Variants in ENTREP2 observed in about 807,000 individuals in gnomAD.
The protein encoded by ENTREP2 is endosomal transmembrane epsin interactor 2.
At chr15:29,461,849 C>T in the ENTREP2 span, among the ~76,000 whole-genome samples, 2 of 152,126 alleles carry the variant, frequency 1.3e-5, no homozygotes, top group Non-Finnish European at 2.9e-5. Flanking sequence ...ATCACCACCA[C>T]CCATCTTCAG....
the ENTREP2 span, among the ~76,000 whole-genome samples, chr15:29,133,820 G>A: frequency 0.024 from 3,584 of 152,208 alleles, 129 homozygotes; most frequent in African/African-American, 0.081. Context: ...TCATCTGGTG[G>A]ACACTCACTC....
the ENTREP2 span, among the ~76,000 whole-genome samples, chr15:29,626,537 A>G: frequency 2.6e-5 from 4 of 152,160 alleles, no homozygotes; most frequent in Non-Finnish European, 4.4e-5. Context: ...AAATTACCCA[A>G]TCTTGAGTAT....
chr15:29,136,685 C>T, the ENTREP2 span, among the ~76,000 whole-genome samples: 1 of 148,886 alleles, frequency 6.7e-6, no homozygotes, highest in South Asian at 2.1e-4. Context: ...TTTTCTGGAA[C>T]GACATCAACA....
the ENTREP2 span, among the ~76,000 whole-genome samples, chr15:29,649,634 C>A: frequency 8.0e-5 from 12 of 149,188 alleles, no homozygotes; most frequent in African/African-American, 2.2e-4. Context: ...GCAGGAGAAT[C>A]GACTGAACCT....
chr15:29,544,451 A>G, the ENTREP2 span, among the ~76,000 whole-genome samples: 13 of 152,122 alleles, frequency 8.5e-5, no homozygotes, highest in African/African-American at 3.1e-4. Context: ...GAATGTACCT[A>G]CTACTGAACT....
At chr15:29,629,621 C>A in the ENTREP2 span, among the ~76,000 whole-genome samples, 1 of 152,156 alleles carries the variant, frequency 6.6e-6, no homozygotes, top group Non-Finnish European at 1.5e-5. Context: ...TTAAGTACTT[C>A]TATATACACT....
chr15:29,366,087 T>C, the ENTREP2 span, among the ~76,000 whole-genome samples: 1 of 152,172 alleles, frequency 6.6e-6, no homozygotes, highest in African/African-American at 2.4e-5. Flanking sequence ...ATTATTATTA[T>C]TTTCGAGATG....
the ENTREP2 span, among the ~76,000 whole-genome samples, chr15:29,565,747 A>G: frequency 6.6e-6 from 1 of 152,054 alleles, no homozygotes; most frequent in Non-Finnish European, 1.5e-5. Context: ...GCGGATCACG[A>G]GGTCAGGAGA....
chr15:29,557,211 C>G, the ENTREP2 span, among the ~76,000 whole-genome samples: 2 of 152,206 alleles, frequency 1.3e-5, no homozygotes. Context: ...CCAGGCTCCC[C>G]TCCCTGCCTG....
chr15:29,311,695 C>CA, the ENTREP2 span, among the ~76,000 whole-genome samples: 3 of 151,038 alleles, frequency 2.0e-5, no homozygotes, highest in Non-Finnish European at 3.0e-5. Context: ...ATCCCCCCCC[C>CA]AAAAAAAAGT....
At chr15:29,547,148 C>T in the ENTREP2 span, among the ~76,000 whole-genome samples, 9 of 150,090 alleles carry the variant, frequency 6.0e-5, no homozygotes, top group African/African-American at 1.2e-4. Context: ...AGTGCAGTGG[C>T]GCAATTTCGG....
chr15:29,528,427 C>T, the ENTREP2 span, among the ~76,000 whole-genome samples: 1 of 152,074 alleles, frequency 6.6e-6, no homozygotes, highest in African/African-American at 2.4e-5. Context: ...TGGCTCCCCA[C>T]TCCCAGTAGA....
the ENTREP2 span, among the ~76,000 whole-genome samples, chr15:29,638,054 T>C: frequency 6.6e-6 from 1 of 152,320 alleles, no homozygotes; most frequent in Admixed American, 6.5e-5. Flanking sequence ...CCTAACTGCG[T>C]TGACCTTCAG....
the ENTREP2 span, among the ~76,000 whole-genome samples, chr15:29,588,976 C>A: frequency 1.4e-5 from 2 of 143,586 alleles, no homozygotes; most frequent in Non-Finnish European, 3.0e-5. Flanking sequence ...GGTGACAGAG[C>A]GAGACCTTGT....
the ENTREP2 span, among the ~76,000 whole-genome samples, chr15:29,135,977 T>C: frequency 1.3e-5 from 2 of 152,004 alleles, no homozygotes; most frequent in African/African-American, 4.8e-5. The surrounding 1 kb of genome is among the most constrained non-coding windows in gnomAD (Gnocchi z 7.4). Flanking sequence ...CCCAGGTCCT[T>C]TTACCTGGAT....
the ENTREP2 span, among the ~76,000 whole-genome samples, chr15:29,360,906 C>T: frequency 6.6e-6 from 1 of 152,230 alleles, no homozygotes; most frequent in Non-Finnish European, 1.5e-5. Flanking sequence ...CTCCTGAAGC[C>T]AGGAGTGCTG....
chr15:29,292,462 C>A, the ENTREP2 span, among the ~76,000 whole-genome samples: 1 of 151,990 alleles, frequency 6.6e-6, no homozygotes, highest in Non-Finnish European at 1.5e-5. Context: ...CTCACTGCAA[C>A]CTCTGCCTCC....
At chr15:29,616,269 G>A in the ENTREP2 span, among the ~76,000 whole-genome samples, 12 of 152,256 alleles carry the variant, frequency 7.9e-5, no homozygotes, top group Non-Finnish European at 1.5e-4. Context: ...CCAAGGGGAC[G>A]ATGACCCCTT....
the ENTREP2 span, among the ~76,000 whole-genome samples, chr15:29,475,231 C>A: frequency 2.3e-3 from 348 of 152,246 alleles, no homozygotes; most frequent in African/African-American, 8.1e-3. Context: ...AAGGGGTGAG[C>A]TGGAGACAGA....
Sources: gnomAD v4.1 joint callset for allele counts (sites outside exome capture counted in the v4.1 genomes callset) on GRCh38, gnomAD v4.1.1 for gene constraint, Gnocchi (gnomAD v3.1) non-coding constraint, MANE v1.5 for transcripts, NCBI Gene and HGNC (gene_info 2026-07-23, HGNC 2026-07-21) for gene names.